FHL2: variants seen among roughly 807,000 people sequenced by gnomAD.
FHL2 encodes the protein four and a half LIM domains protein 2.
FHL2 carries 20 observed loss-of-function variants against 32.7 expected under a neutral mutation model. The observed-to-expected ratio is 0.61, with a 90% CI of 0.43 to 0.89. The LOEUF is 0.89. FHL2 is among the 40% of genes least tolerant of loss of function. FHL2 has a pLI of 0.00. For missense variants in FHL2, 311 were observed against 358.6 expected, an observed-to-expected ratio of 0.87 and a Z score of 1.07; for synonymous variants, 123 against 128.1, an observed-to-expected ratio of 0.96 and a Z score of 0.27.
At chr2:105,399,719 T>G, upstream of FHL2, 1 of 1,194,408 alleles carries the variant, frequency 8.4e-7, no homozygotes, top group Non-Finnish European at 1.1e-6. Flanking sequence ...TGCGTGACGC[T>G]GACGCTGGGT....
intron 3 of FHL2, among the ~76,000 whole-genome samples, chr2:105,381,051 G>A (rs1210159723): frequency 6.6e-6 from 1 of 152,110 alleles, no homozygotes; most frequent in Non-Finnish European, 1.5e-5. Flanking sequence ...CTCAGTTAAT[G>A]GAAGGTGGCT....
chr2:105,392,986 ATTT>A (rs35719774), intron 2 of FHL2, among the ~76,000 whole-genome samples: 1 of 141,884 alleles, frequency 7.0e-6, no homozygotes. Flanking sequence ...CACCCAGCTA[ATTT>A]TTTTTTTTTT....
At chr2:105,435,984 T>C (rs902207591) in intron 1 of FHL2, among the ~76,000 whole-genome samples, 1 of 152,242 alleles carries the variant, frequency 6.6e-6, no homozygotes, top group African/African-American at 2.4e-5. Context: ...AGTTTAATTT[T>C]TCAGTATTAC....
chr2:105,404,194 T>A (rs1387175253), upstream of FHL2, among the ~76,000 whole-genome samples: 1 of 152,230 alleles, frequency 6.6e-6, no homozygotes, highest in Non-Finnish European at 1.5e-5. Flanking sequence ...CCATCAAGAT[T>A]GTTAAGCATT....
At chr2:105,375,383 T>C (rs973818773) in intron 3 of FHL2, 12 of 152,244 alleles carry the variant, frequency 7.9e-5, no homozygotes, top group African/African-American at 2.4e-4. Flanking sequence ...CATCTGGGAA[T>C]AGGATTATTG....
intron 1 of FHL2, among the ~76,000 whole-genome samples, chr2:105,423,368 A>C (rs998438360): frequency 1.3e-5 from 2 of 152,218 alleles, no homozygotes; most frequent in Non-Finnish European, 2.9e-5. Flanking sequence ...ATTTTGCAGG[A>C]GTAGAGATTG....
chr2:105,399,847 C>A (rs577717793), upstream of FHL2, among the ~76,000 whole-genome samples: 6 of 152,332 alleles, frequency 3.9e-5, no homozygotes, highest in Non-Finnish European at 8.8e-5. Flanking sequence ...GGTCCACTTG[C>A]AGAAACCGGT....
chr2:105,428,567 C>A (rs756647914), intron 1 of FHL2, among the ~76,000 whole-genome samples: 2 of 152,234 alleles, frequency 1.3e-5, no homozygotes, highest in African/African-American at 2.4e-5. Context: ...CCCTCTCCTG[C>A]GGACAGGCCC....
rs765182957 is a variant in FHL2 at position 105,386,545 on chromosome 2, CAAAAA to C, written c.-24-10_-24-6del. ...GACTCCTGGCTTTTCAGCAACCTATCAAAAAGAAAAGAAAATCCAAGTCCCATTAA... is the reference window on the plus strand; with the variant it reads ...GACTCCTGGCTTTTCAGCAACCTATCGAAAAGAAAATCCAAGTCCCATTAA... On this transcript the variant is annotated splice_region_variant and splice_polypyrimidine_tract_variant and intron_variant, in intron 2 of 6. Transcript: ENST00000530340. 6 of 1,613,328 alleles carry C rather than the reference CAAAAA, an allele frequency of 3.7e-6. No individual in the cohort carries two copies. Among genetic ancestry groups the C allele is most frequent in the Non-Finnish European group, 5.1e-6 (6 of 1,179,826 alleles).
chr2:105,403,523 AG>A (rs1453332988), upstream of FHL2, among the ~76,000 whole-genome samples: 6 of 152,168 alleles, frequency 3.9e-5, no homozygotes, highest in African/African-American at 1.4e-4. Flanking sequence ...AGAGAGGAAA[AG>A]ACTTCCTGCG....
intron 1 of FHL2, among the ~76,000 whole-genome samples, chr2:105,420,421 A>G (rs1684065211): frequency 1.3e-5 from 2 of 152,122 alleles, no homozygotes; most frequent in African/African-American, 4.8e-5. Context: ...CCTCTTAACT[A>G]ATTACTCGGT....
chr2:105,413,502 G>A (rs1236415307), intron 1 of FHL2, among the ~76,000 whole-genome samples: 1 of 151,792 alleles, frequency 6.6e-6, no homozygotes, highest in African/African-American at 2.4e-5. Context: ...AATTTTTTTA[G>A]AGGCAGGGTT....
chr2:105,371,175 TG>T (rs1400693801), intron 4 of FHL2, among the ~76,000 whole-genome samples: 1 of 152,206 alleles, frequency 6.6e-6, no homozygotes, highest in Non-Finnish European at 1.5e-5. Flanking sequence ...TCAGCGTGGC[TG>T]GGCTCTGGTA....
At chr2:105,376,979 G>A (rs974229815) in intron 3 of FHL2, among the ~76,000 whole-genome samples, 4 of 152,236 alleles carry the variant, frequency 2.6e-5, no homozygotes, top group African/African-American at 9.6e-5. Flanking sequence ...CATTCATGGA[G>A]ACAGAAAGTA....
chr2:105,414,296 A>G (rs919374360), intron 1 of FHL2, among the ~76,000 whole-genome samples: 2 of 152,064 alleles, frequency 1.3e-5, no homozygotes, highest in Non-Finnish European at 2.9e-5. Flanking sequence ...TAGGGTTTTC[A>G]TGGAGGCTTC....
At chr2:105,427,448 T>A (rs1684300548) in intron 1 of FHL2, among the ~76,000 whole-genome samples, 1 of 152,186 alleles carries the variant, frequency 6.6e-6, no homozygotes, top group South Asian at 2.1e-4. Flanking sequence ...AGAGAGTGTC[T>A]TGTGAACATG....
At chr2:105,378,158 G>A (rs367786043) in intron 3 of FHL2, 1 of 471,036 alleles carries the variant, frequency 2.1e-6, no homozygotes, top group Non-Finnish European at 4.4e-6. Flanking sequence ...ATGCACATGG[G>A]TCCAAGGCAC....
intron 2 of FHL2, 79 bp downstream of exon 2, chr2:105,396,568 G>A: frequency 7.6e-7 from 1 of 1,307,396 alleles, no homozygotes; most frequent in Non-Finnish European, 1.1e-6. Context: ...CAGTCAAGTT[G>A]ACACATGAAA....
chr2:105,431,441 G>A (rs1381870680), intron 1 of FHL2, among the ~76,000 whole-genome samples: 1 of 152,228 alleles, frequency 6.6e-6, no homozygotes, highest in Non-Finnish European at 1.5e-5. Flanking sequence ...CTCTCAGATT[G>A]GGTATGAATG....
Sources: gnomAD v4.1 joint callset for allele counts (sites outside exome capture counted in the v4.1 genomes callset) on GRCh38, gnomAD v4.1.1 for gene constraint, MANE v1.5 for transcripts, NCBI Gene and HGNC (gene_info 2026-07-23, HGNC 2026-07-21) for gene names.